The following XYLT1 variants were observed in gnomAD, a reference collection of about 807,000 sequenced individuals.
The protein encoded by XYLT1 is beta-D-xylosyltransferase 1.
In XYLT1, 36 loss-of-function variants were observed where a neutral mutation model predicts 91.3. The ratio of observed to expected loss-of-function variants is 0.39; its 90% CI spans 0.30 to 0.52. The LOEUF (loss-of-function observed/expected upper bound fraction) is 0.52. Ranked by LOEUF, XYLT1 falls within the 20% of genes least tolerant of loss-of-function variation. XYLT1 has a pLI of 0.68. For missense variants in XYLT1, 1,242 were observed against 1,284.5 expected, an observed-to-expected ratio of 0.97 and a Z score of 0.51; for synonymous variants, 588 against 532.0, an observed-to-expected ratio of 1.11 and a Z score of -1.45.
intron 1 of XYLT1, among the ~76,000 whole-genome samples, chr16:17,359,013 G>A (rs530492633): frequency 1.6e-4 from 24 of 152,294 alleles, no homozygotes; most frequent in Admixed American, 4.6e-4. Flanking sequence ...CTTTGGGTTG[G>A]AGGAGAGACA....
intron 2 of XYLT1, among the ~76,000 whole-genome samples, chr16:17,287,102 C>T (rs1255548325): frequency 6.6e-6 from 1 of 152,114 alleles, no homozygotes; most frequent in Non-Finnish European, 1.5e-5. Context: ...TACTTAACTC[C>T]CTCCTGTAGT....
chr16:17,206,845 T>A (rs1441337119), intron 3 of XYLT1, among the ~76,000 whole-genome samples: 2 of 152,194 alleles, frequency 1.3e-5, no homozygotes, highest in Non-Finnish European at 2.9e-5. Context: ...GGTGCCATGT[T>A]AGCAGTTGGT....
chr16:17,371,980 T>C (rs898673030), intron 1 of XYLT1, among the ~76,000 whole-genome samples: 1 of 152,248 alleles, frequency 6.6e-6, no homozygotes, highest in Non-Finnish European at 1.5e-5. Context: ...TTTTGTTTGC[T>C]GAGTATCCCT....
intron 2 of XYLT1, among the ~76,000 whole-genome samples, chr16:17,276,823 G>A (rs948027310): frequency 1.3e-5 from 2 of 152,164 alleles, no homozygotes; most frequent in African/African-American, 2.4e-5. Context: ...AGGGAAAGTC[G>A]TTTACCCTCT....
intron 2 of XYLT1, among the ~76,000 whole-genome samples, chr16:17,268,534 T>A (rs2033838895): frequency 6.6e-6 from 1 of 151,954 alleles, no homozygotes; most frequent in Non-Finnish European, 1.5e-5. Flanking sequence ...ATTTACTGAT[T>A]ATTAAAATTA....
chr16:17,452,297 GTTTTTTTCTTT>G (rs1309378350), intron 1 of XYLT1, among the ~76,000 whole-genome samples: 1 of 138,830 alleles, frequency 7.2e-6, no homozygotes, highest in Non-Finnish European at 1.5e-5. Context: ...TTGATTCTCA[GTTTTTTTCTTT>G]TTTTTTTTTT....
chr16:17,172,146 GT>G (rs918441931), intron 5 of XYLT1, among the ~76,000 whole-genome samples: 8 of 152,176 alleles, frequency 5.3e-5, no homozygotes, highest in Non-Finnish European at 1.0e-4. Context: ...TATTAACTAT[GT>G]TACTCTTGCA....
chr16:17,240,641 C>T (rs1444597765), intron 3 of XYLT1, among the ~76,000 whole-genome samples: 3 of 152,124 alleles, frequency 2.0e-5, no homozygotes, highest in Admixed American at 1.3e-4. Flanking sequence ...TCAAGCTCTT[C>T]GGGACCAAGC....
chr16:17,347,280 C>G (rs374177569), intron 2 of XYLT1, among the ~76,000 whole-genome samples: 2 of 152,174 alleles, frequency 1.3e-5, no homozygotes, highest in Non-Finnish European at 2.9e-5. Context: ...CTGGGGGCTA[C>G]CGGAAGGAGC....
chr16:17,297,346 C>T (rs1182050585), intron 2 of XYLT1, among the ~76,000 whole-genome samples: 1 of 152,082 alleles, frequency 6.6e-6, no homozygotes, highest in Admixed American at 6.5e-5. Flanking sequence ...GCAGGAGGAT[C>T]ACTTGAGGCC....
chr16:17,303,996 T>A (rs1224568548), intron 2 of XYLT1, among the ~76,000 whole-genome samples: 1 of 150,694 alleles, frequency 6.6e-6, no homozygotes, highest in African/African-American at 2.5e-5. Context: ...TATATACATG[T>A]GCGTGTGTGT....
intron 3 of XYLT1, chr16:17,250,058 T>A (rs549404908): frequency 3.9e-5 from 6 of 152,348 alleles, no homozygotes; most frequent in Middle Eastern, 3.4e-3. Context: ...TAGAGTCATA[T>A]CCAGACATTA....
At chr16:17,229,899 C>T (rs535415388) in intron 3 of XYLT1, among the ~76,000 whole-genome samples, 23 of 152,170 alleles carry the variant, frequency 1.5e-4, no homozygotes, top group Non-Finnish European at 2.9e-4. Flanking sequence ...TGAGTTCATA[C>T]TGGGTTAGAA....
At chr16:17,445,851 T>C (rs1178546001) in intron 1 of XYLT1, 1 of 152,208 alleles carries the variant, frequency 6.6e-6, no homozygotes, top group African/African-American at 2.4e-5. Flanking sequence ...TGTTTATTTT[T>C]AATGGGATAA....
chr16:17,309,604 A>G (rs1162857771), intron 2 of XYLT1, among the ~76,000 whole-genome samples: 2 of 152,140 alleles, frequency 1.3e-5, no homozygotes, highest in Non-Finnish European at 2.9e-5. Flanking sequence ...CCTTGTTAAG[A>G]GGGGAAATTT....
intron 6 of XYLT1, among the ~76,000 whole-genome samples, chr16:17,144,127 A>G (rs562323181): frequency 1.3e-5 from 2 of 149,142 alleles, no homozygotes; most frequent in African/African-American, 4.8e-5. Context: ...TGATTCTGTG[A>G]TTACTGTCTA....
chr16:17,151,891 C>G (rs2031292933), intron 6 of XYLT1, among the ~76,000 whole-genome samples: 2 of 152,112 alleles, frequency 1.3e-5, no homozygotes, highest in South Asian at 2.1e-4. Context: ...AAAAGAAGCT[C>G]AAGTAGAAAT....
At chr16:17,229,633 G>A (rs1390485572) in intron 3 of XYLT1, among the ~76,000 whole-genome samples, 2 of 152,136 alleles carry the variant, frequency 1.3e-5, no homozygotes, top group South Asian at 2.1e-4. Flanking sequence ...CATTCTCAGC[G>A]CCAATCATTT....
chr16:17,272,456 C>T (rs193017022), intron 2 of XYLT1, among the ~76,000 whole-genome samples: 94 of 152,142 alleles, frequency 6.2e-4, no homozygotes, highest in South Asian at 2.9e-3. Flanking sequence ...TGAGCCACTG[C>T]GCCCGGCCAT....
Sources: allele counts gnomAD v4.1 joint callset (sites outside exome capture counted in the v4.1 genomes callset), GRCh38; gene constraint gnomAD v4.1.1; transcripts MANE v1.5; gene names NCBI Gene and HGNC (gene_info 2026-07-23, HGNC 2026-07-21).